Variants in PEX5 observed in about 807,000 individuals in gnomAD.
The protein encoded by PEX5 is peroxisomal biogenesis factor 5.
A neutral mutation model predicts 82.9 loss-of-function variants in PEX5; 52 were observed. The observed-to-expected ratio is 0.63, with a 90% CI of 0.50 to 0.79. The LOEUF (loss-of-function observed/expected upper bound fraction) is 0.79, where lower values mean the gene tolerates loss of function less well. PEX5 is among the 30% of genes least tolerant of loss of function. The probability of loss-of-function intolerance (pLI) is 0.00; values close to 1 mark genes in which losing one functional copy is unlikely to be tolerated. For synonymous variants in PEX5, 300 were observed against 318.8 expected (o/e 0.94, Z 0.63); for missense variants, 719 against 815.2 (o/e 0.88, Z 1.44).
At position 7,201,186 on chromosome 12, in the gene PEX5, C is replaced by T. The variant is rs761091488; in HGVS notation, c.552-565C>T. Among the ~76,000 whole-genome samples, 14 of 151,676 alleles carry T rather than the reference C, an allele frequency of 9.2e-5. No homozygotes were observed. The East Asian group carries it at 1.2e-3, about 13-fold the overall frequency. The stretch of plus-strand genomic sequence containing the variant: ...ATACACACATACACATATGTACACA[C>T]GCATACATACACATACATGTGCACA... On this transcript the variant is annotated intron_variant, in intron 6 of 15. Transcript: ENST00000675855.
At chr12:7,215,331 C>G (rs1945746900), downstream of PEX5, among the ~76,000 whole-genome samples, 1 of 152,168 alleles carries the variant, frequency 6.6e-6, no homozygotes, top group Non-Finnish European at 1.5e-5. Flanking sequence ...CTGTGGGAAG[C>G]AGTTTGGAAA....
At chr12:7,191,144 T>G (rs1311177736) in intron 3 of PEX5, 82 bp from the exon 4 acceptor site, 2 of 1,493,208 alleles carry the variant, frequency 1.3e-6, no homozygotes, top group African/African-American at 2.8e-5. Context: ...TATCTAACAT[T>G]GGGATCCCCC....
In PEX5 at chr12:7,191,549, TTCTCTC is replaced by T. The variant is rs745564890; in HGVS notation, c.317-12_317-7del. 1 of 1,612,938 alleles carries T rather than the reference TTCTCTC, an allele frequency of 6.2e-7. No individual in the cohort carries two copies. The highest frequency in any genetic ancestry group is 8.5e-7 in the Non-Finnish European group (1 of 1,179,170). On this transcript the variant is annotated splice_polypyrimidine_tract_variant and intron_variant, in intron 4 of 15. Coordinates refer to ENST00000675855, the MANE Select transcript of PEX5 (RefSeq NM_001351132.2). ...GGTATGTATGTATTCTTTCTTAGTT[TTCTCTC>T]TCTCTCTTTTAAGCCCCTGGTGTGG...
downstream of PEX5, among the ~76,000 whole-genome samples, chr12:7,216,475 G>T (rs1254388813): frequency 6.6e-6 from 1 of 152,106 alleles, no homozygotes; most frequent in Non-Finnish European, 1.5e-5. Flanking sequence ...AAATGGGAGA[G>T]AATATTTATA....
At position 7,209,106 on chromosome 12, in the gene PEX5, A is replaced by C. The variant is rs1168577755; in HGVS notation, c.1496A>C (p.Asn499Thr). 6.2e-7 allele frequency: 1 copy of C among 1,613,988 alleles called. No individual in the cohort carries two copies. Among genetic ancestry groups the C allele is most frequent in the Non-Finnish European group, 8.5e-7 (1 of 1,179,970 alleles). ...DVQCGLGVLF[N>T]LSGEYDKAVD... ...CAGTGTGGCTTGGGAGTCCTTTTCA[A>C]CCTGAGTGGGGAGTATGACAAGGCC... The change falls in exon 14 of 16, where the codon AAC (asparagine) becomes ACC (threonine). Residue 499 changes from asparagine (N) to threonine (T), a missense_variant. Transcript: ENST00000675855.
At chr12:7,203,596 T>C in intron 10 of PEX5, 45 bp downstream of exon 10, 1 of 1,580,284 alleles carries the variant, frequency 6.3e-7, no homozygotes, top group Non-Finnish European at 8.6e-7. Context: ...AACTTCCTTC[T>C]TTTTAACGTC....
intron 5 of PEX5, among the ~76,000 whole-genome samples, chr12:7,197,478 ATAAT>A (rs1942931415): frequency 7.0e-6 from 1 of 142,122 alleles, no homozygotes; most frequent in Admixed American, 7.0e-5. Context: ...TATGTTATAT[ATAAT>A]ATAATAATTA....
Position 7,210,385 on chromosome 12 carries a change from A to G in PEX5, c.*162A>G. 1.4e-6 allele frequency: 1 copy of G among 691,272 alleles called. No homozygotes were observed. The highest frequency in any genetic ancestry group is 2.6e-6 in the Non-Finnish European group (1 of 382,936). 42.8% of individuals were successfully genotyped at this position (691,272 alleles called of 1,614,324 possible). A position where few individuals can be genotyped will look rare whatever the true frequency, so the allele number is the denominator to read the frequency against. On this transcript the variant is annotated 3_prime_UTR_variant, in exon 16 of 16. Coordinates refer to ENST00000675855, the MANE Select transcript of PEX5 (RefSeq NM_001351132.2). ...CGTAGGGGTGGGTAGTCTGTGTTCT[A>G]GTTCCTACATAATTGTAGGAAAATG...
At chr12:7,214,605 T>C (rs1471813326), downstream of PEX5, among the ~76,000 whole-genome samples, 2 of 145,264 alleles carry the variant, frequency 1.4e-5, no homozygotes, top group African/African-American at 2.5e-5. Flanking sequence ...TTAGGAGATA[T>C]ACCTAATGCT....
chr12:7,196,347 ATAATT>A (rs1171950509), intron 5 of PEX5, among the ~76,000 whole-genome samples: 151 of 136,534 alleles, frequency 1.1e-3, no homozygotes, highest in Admixed American at 2.1e-3. Context: ...TATGTCATAT[ATAATT>A]TAATTATATA....
chr12:7,207,986 T>C, intron 11 of PEX5, 24 bp from the exon 12 acceptor site: 1 of 1,598,262 alleles, frequency 6.3e-7, no homozygotes. Context: ...TATGGGGTGA[T>C]GGAATCTGTC....
Position 7,189,752 on chromosome 12 carries a change from T to C in PEX5, c.-17+2T>C. ...GGTCGTGCGGCGCGGCGCTCCGCGG[T>C]GAGCGCCTGACCCCGAGGGGGCCCG... On this transcript the variant is annotated splice_donor_variant, in intron 1 of 15. Coordinates refer to ENST00000675855, the MANE Select transcript of PEX5 (RefSeq NM_001351132.2). LOFTEE classifies it low-confidence loss of function (5UTR_SPLICE). The C allele has an allele frequency of 2.3e-6, 1 of 433,430 alleles. No individual in the cohort carries two copies. Among genetic ancestry groups the C allele is most frequent in the Non-Finnish European group, 3.7e-6 (1 of 266,716 alleles). 26.8% of individuals were successfully genotyped at this position (433,430 alleles called of 1,614,324 possible). A position where few individuals can be genotyped will look rare whatever the true frequency, so the allele number is the denominator to read the frequency against.
chr12:7,215,517 A>G (rs1052166057), downstream of PEX5, among the ~76,000 whole-genome samples: 1 of 152,234 alleles, frequency 6.6e-6, no homozygotes, highest in African/African-American at 2.4e-5. Flanking sequence ...TGGACTGGAT[A>G]AAGCAAATGT....
intron 6 of PEX5, among the ~76,000 whole-genome samples, chr12:7,201,011 G>T (rs777431298): frequency 1.3e-5 from 2 of 152,148 alleles, no homozygotes; most frequent in Admixed American, 1.3e-4. Flanking sequence ...GGACACAGTG[G>T]TTGTGTGCCT....
At chr12:7,216,134 A>G (rs1388050214), downstream of PEX5, among the ~76,000 whole-genome samples, 1 of 151,984 alleles carries the variant, frequency 6.6e-6, no homozygotes, top group African/African-American at 2.4e-5. Flanking sequence ...TGCCAGGCTA[A>G]TTTTTGTATT....
chr12:7,205,301 TAGAC>T (rs61190752), intron 10 of PEX5, among the ~76,000 whole-genome samples: 66,799 of 151,720 alleles, frequency 0.44, 15,796 homozygotes, highest in Admixed American at 0.61. Flanking sequence ...AGTAAGCAAT[TAGAC>T]AGTATCTGGC....
intron 6 of PEX5, 58 bp downstream of exon 6, chr12:7,199,171 C>T: frequency 2.2e-6 from 2 of 913,132 alleles, no homozygotes; most frequent in Non-Finnish European, 3.5e-6. Flanking sequence ...GTTTTCCCAG[C>T]CTCCTCCATC....
upstream of PEX5, chr12:7,189,477 C>G (rs1940467113): frequency 6.4e-6 from 1 of 156,678 alleles, no homozygotes; most frequent in African/African-American, 2.4e-5. Context: ...AATCCTAGGG[C>G]CCGTGGCCTT....
chr12:7,208,767 A>G (rs1279246835), intron 13 of PEX5, 98 bp downstream of exon 13: 11 of 1,068,360 alleles, frequency 1.0e-5, no homozygotes, highest in African/African-American at 7.7e-5. Context: ...TTGAGACTGA[A>G]GGGTCCTGAG....
Sources: allele counts gnomAD v4.1 joint callset (sites outside exome capture counted in the v4.1 genomes callset), GRCh38; gene constraint gnomAD v4.1.1; transcripts MANE v1.5; gene names NCBI Gene and HGNC (gene_info 2026-07-23, HGNC 2026-07-21).